TMEM47: variants seen among roughly 807,000 people sequenced by gnomAD.
TMEM47 encodes brain cell membrane protein 1.
Under a neutral mutation model 12.4 loss-of-function variants are expected in TMEM47, and 3 were observed. The ratio of observed to expected loss-of-function variants is 0.24; its 90% CI spans 0.11 to 0.63. The LOEUF is 0.63. Ranked by LOEUF, TMEM47 falls within the 20% of genes least tolerant of loss-of-function variation. The probability of loss-of-function intolerance (pLI) is 0.86; values close to 1 mark genes in which losing one functional copy is unlikely to be tolerated. For synonymous variants in TMEM47, 62 were observed against 63.3 expected, an observed-to-expected ratio of 0.98 and a Z score of 0.10; for missense variants, 89 against 143.8, an observed-to-expected ratio of 0.62 and a Z score of 1.95.
At chrX:34,639,457 C>G in intron 1 of TMEM47, 70 bp from the exon 2 acceptor site, 2 of 1,061,998 alleles carry the variant, frequency 1.9e-6, no homozygotes, top group South Asian at 2.2e-5. Context: ...TGTTCAGCAG[C>G]CTTCACCTTG....
intron 2 of TMEM47, among the ~76,000 whole-genome samples, chrX:34,637,584 A>AC (rs1020110186): frequency 3.6e-5 from 4 of 110,479 alleles, no homozygotes; most frequent in African/African-American, 1.3e-4. Flanking sequence ...GCTTCCTAAG[A>AC]CCCCAAAAGA....
chrX:34,639,195 A>G, intron 2 of TMEM47, 52 bp downstream of exon 2: 1 of 1,141,308 alleles, frequency 8.8e-7, no homozygotes, highest in South Asian at 2.0e-5. Context: ...GGAAGATGGT[A>G]GAAAGGTTCA....
rs774277364 is a variant in TMEM47 at position 34,657,059 on chromosome X, G to T, written c.-30C>A. The T allele has an allele frequency of 9.5e-4, 1,069 of 1,123,002 alleles. 2 individuals are homozygous for T. Among genetic ancestry groups the T allele is most frequent in the Non-Finnish European group, 1.1e-3 (946 of 850,796 alleles). The allele number at this position is 1,123,002 out of a possible 1,213,427, so 92.5% of individuals were successfully genotyped here. A position where few individuals can be genotyped will look rare whatever the true frequency, so the allele number is the denominator to read the frequency against. On this transcript the variant is annotated 5_prime_UTR_variant, in exon 1 of 3. Coordinates refer to ENST00000275954, the MANE Select transcript of TMEM47 (RefSeq NM_031442.4). ...GGGCGCCGCTGTCGTCCGCCCCGCCGCAGGCGAGGACGCCAGGCGGGTCCG... is the reference window on the plus strand; with the variant it reads ...GGGCGCCGCTGTCGTCCGCCCCGCCTCAGGCGAGGACGCCAGGCGGGTCCG...
intron 2 of TMEM47, among the ~76,000 whole-genome samples, chrX:34,637,504 A>G (rs2147138350): frequency 9.0e-6 from 1 of 111,478 alleles, no homozygotes; most frequent in African/African-American, 3.3e-5. Flanking sequence ...ATATGAAAAA[A>G]CATCCTTTTG....
chrX:34,657,098 C>G lies in TMEM47; in HGVS notation c.-69G>C, dbSNP rs1191476674. 14 of 1,075,931 alleles carry G rather than the reference C, an allele frequency of 1.3e-5. No homozygotes were observed. The highest frequency in any genetic ancestry group is 3.6e-5 in the East Asian group (1 of 27,665). The allele number at this position is 1,075,931 out of a possible 1,213,427, so 88.7% of individuals were successfully genotyped here. On this transcript the variant is annotated 5_prime_UTR_variant, in exon 1 of 3. Coordinates refer to ENST00000275954, the MANE Select transcript of TMEM47 (RefSeq NM_031442.4). The stretch of plus-strand genomic sequence containing the variant: ...CAGGCGGGTCCGGAGAGCCGGGAGC[C>G]GGACCTCCCGAAGGGAGAAGCCGCC...
chrX:34,656,643 G>A (rs943402112), intron 1 of TMEM47, among the ~76,000 whole-genome samples, 161 bp downstream of exon 1: 2 of 110,728 alleles, frequency 1.8e-5, no homozygotes. Flanking sequence ...TGGATGCCAG[G>A]GAGGTGGCGG....
At chrX:34,654,206 T>G (rs1250945610) in intron 1 of TMEM47, among the ~76,000 whole-genome samples, 1 of 112,269 alleles carries the variant, frequency 8.9e-6, no homozygotes, top group Non-Finnish European at 1.9e-5. Context: ...TGGGTCTAAG[T>G]AGGGCATACT....
At chrX:34,632,414 T>C (rs1051807903) in intron 2 of TMEM47, among the ~76,000 whole-genome samples, 1 of 111,832 alleles carries the variant, frequency 8.9e-6, no homozygotes. Flanking sequence ...AAAAGATTAT[T>C]ACCAGTATGA....
chrX:34,657,000 C>T lies in TMEM47; in HGVS notation c.30G>A (p.Glu10=), dbSNP rs2147144066. Residue 10 remains glutamate, a synonymous_variant, in exon 1 of 3, where the codon GAG becomes GAA. Transcript: ENST00000275954. ...AGGGGGTCAGCACCGACACGCGCAC[C>T]TCCTCCATGCCGCTGCCCGCCGAAG... MASAGSGME[E]VRVSVLTPLK... 1 of 1,159,990 alleles carries T rather than the reference C, an allele frequency of 8.6e-7. No individual in the cohort carries two copies. The highest frequency in any genetic ancestry group is 1.2e-6 in the Non-Finnish European group (1 of 868,291).
intron 1 of TMEM47, among the ~76,000 whole-genome samples, chrX:34,650,991 TTTG>T (rs149970941): frequency 0.39 from 42,886 of 109,085 alleles, 7,177 homozygotes; most frequent in East Asian, 0.65. Flanking sequence ...TGGTTGGCCG[TTTG>T]TTGTTGTTGT....
At chrX:34,637,628 ACTT>A (rs1284522851) in intron 2 of TMEM47, among the ~76,000 whole-genome samples, 1 of 111,139 alleles carries the variant, frequency 9.0e-6, no homozygotes, top group Non-Finnish European at 1.9e-5. Context: ...CATTACAGTT[ACTT>A]ATTTGTTTAC....
chrX:34,636,737 T>C (rs1433263351), intron 2 of TMEM47, among the ~76,000 whole-genome samples: 1 of 112,073 alleles, frequency 8.9e-6, no homozygotes, highest in Non-Finnish European at 1.9e-5. Context: ...TCAATCAGTT[T>C]GTGGTCTTTA....
rs1424514281 is a variant in TMEM47, at chrX:34,629,743, C to A, written c.*570G>T. ...GGAGACGCTGATTGCCAAAGCATAA[C>A]CTCCCATTAAAAAGAGTGTTCCTGA... On this transcript the variant is annotated 3_prime_UTR_variant, in exon 3 of 3. Coordinates refer to ENST00000275954, the MANE Select transcript of TMEM47 (RefSeq NM_031442.4). The A allele has an allele frequency of 9.0e-6, 1 of 111,524 alleles. No homozygotes were observed. The highest frequency in any genetic ancestry group is 2.8e-4 in the East Asian group (1 of 3,539). The allele number at this position is 111,524 out of a possible 1,213,427, so 9.2% of individuals were successfully genotyped here.
chrX:34,637,572 CT>C (rs1314685677), intron 2 of TMEM47, among the ~76,000 whole-genome samples: 1 of 111,009 alleles, frequency 9.0e-6, no homozygotes, highest in African/African-American at 3.3e-5. Context: ...GTGAAACTAG[CT>C]GCTTCCTAAG....
intron 1 of TMEM47, among the ~76,000 whole-genome samples, chrX:34,654,617 A>T (rs750597714): frequency 8.9e-6 from 1 of 111,770 alleles, no homozygotes; most frequent in South Asian, 3.8e-4. Flanking sequence ...GGGGACACAG[A>T]GCAATTTTCC....
intron 1 of TMEM47, among the ~76,000 whole-genome samples, chrX:34,651,765 C>T (rs1207001391): frequency 1.8e-5 from 2 of 111,866 alleles, no homozygotes; most frequent in Non-Finnish European, 3.8e-5. Context: ...ACTGAGGTGT[C>T]TGGCTTGTAA....
intron 2 of TMEM47, among the ~76,000 whole-genome samples, chrX:34,635,003 T>C (rs1314112730): frequency 8.9e-6 from 1 of 111,960 alleles, no homozygotes; most frequent in Admixed American, 9.5e-5. Context: ...TATATTTTTA[T>C]CTTCCCCACT....
intron 1 of TMEM47, among the ~76,000 whole-genome samples, chrX:34,650,898 G>A (rs758750292): frequency 8.9e-6 from 1 of 111,856 alleles, no homozygotes; most frequent in African/African-American, 3.3e-5. Context: ...TGCTGGCTGA[G>A]GGAAGGTTTT....
rs1416204445 is a variant in TMEM47, at chrX:34,630,291, T to A, written c.*22A>T. On this transcript the variant is annotated 3_prime_UTR_variant, in exon 3 of 3. Coordinates refer to ENST00000275954, the MANE Select transcript of TMEM47 (RefSeq NM_031442.4). ...CCTTTTGTTGGATGGTGGTGGTTGT[T>A]TTTACTTTGAGACTATTGGTTCTAG... is the stretch of plus-strand genomic sequence containing the variant. 1 of 1,163,502 alleles carries A rather than the reference T, an allele frequency of 8.6e-7. No homozygotes were observed.
Sources: allele counts gnomAD v4.1 joint callset (sites outside exome capture counted in the v4.1 genomes callset), GRCh38; gene constraint gnomAD v4.1.1; transcripts MANE v1.5; gene names NCBI Gene and HGNC (gene_info 2026-07-23, HGNC 2026-07-21).